The following FOXP1 variants were observed in gnomAD, a reference collection of about 807,000 sequenced individuals.
FOXP1 encodes forkhead box P1.
A neutral mutation model predicts 98.2 loss-of-function variants in FOXP1; 15 were observed. That is an observed-to-expected ratio of 0.15 (90% confidence interval 0.10 to 0.24). The LOEUF is 0.24. FOXP1 is among the 10% of genes least tolerant of loss of function. The pLI, the probability that FOXP1 is intolerant of heterozygous loss-of-function variation, is 1.00. For missense variants in FOXP1, 633 were observed against 848.5 expected (o/e 0.75, Z 3.15); for synonymous variants, 371 against 314.5 (o/e 1.18, Z -1.90).
At chr3:71,305,643 C>G (rs1432932979) in intron 4 of FOXP1, 2 of 152,268 alleles carry the variant, frequency 1.3e-5, no homozygotes, top group East Asian at 3.9e-4. Flanking sequence ...GCTGCTCTCT[C>G]TCTCTCTTTT....
In FOXP1 at chr3:71,160,840, C is replaced by T. The variant is rs190864451; in HGVS notation, c.180+37362G>A. 1.7e-3 allele frequency among the ~76,000 whole-genome samples: 252 copies of T among 152,288 alleles called. 2 individuals carry two copies. The highest frequency in any genetic ancestry group is 5.2e-3 in the African/African-American group (215 of 41,546). ...ACGAAGGCCTCCACAGAGAATGTTACTTGCTCAAATAGTTAATGATCATCT... is the reference window on the plus strand; with the variant it reads ...ACGAAGGCCTCCACAGAGAATGTTATTTGCTCAAATAGTTAATGATCATCT... On this transcript the variant is annotated intron_variant, in intron 6 of 20. Coordinates refer to ENST00000649528, the MANE Select transcript of FOXP1 (RefSeq NM_001349338.3).
At chr3:71,302,853 A>C (rs1344887744) in intron 4 of FOXP1, 1 of 152,024 alleles carries the variant, frequency 6.6e-6, no homozygotes, top group African/African-American at 2.4e-5. Flanking sequence ...TCTACTGCGA[A>C]CTCTAGGGTG....
At chr3:70,987,227 G>C (rs2039895514) in intron 14 of FOXP1, among the ~76,000 whole-genome samples, 1 of 152,156 alleles carries the variant, frequency 6.6e-6, no homozygotes, top group Non-Finnish European at 1.5e-5. Context: ...AAACGTAAGA[G>C]GAATATGACC....
At chr3:71,014,804 T>C (rs901577484) in intron 12 of FOXP1, among the ~76,000 whole-genome samples, 4 of 152,164 alleles carry the variant, frequency 2.6e-5, no homozygotes, top group African/African-American at 9.7e-5. Flanking sequence ...TGGAATACTA[T>C]GCAGCCATAA....
chr3:71,403,113 C>T (rs903699097), intron 3 of FOXP1, among the ~76,000 whole-genome samples: 2 of 152,176 alleles, frequency 1.3e-5, no homozygotes, highest in African/African-American at 4.8e-5. Flanking sequence ...TTTTTTCTTT[C>T]TGGTAGAAAT....
chr3:70,976,898 TGAACGTCAAGATCCAAGAATAAAC>T lies in FOXP1; in HGVS notation c.1530+19_1530+42del. ...ATTTTATCAACAACAAACTGTTCTA[TGAACGTCAAGATCCAAGAATAAAC>T]AGGCCTGAGAAAGCTTACCTTCCAC... On this transcript the variant is annotated intron_variant, in intron 17 of 20. Transcript: ENST00000649528. 7.2e-7 allele frequency: 1 copy of T among 1,384,920 alleles called. No individual in the cohort carries two copies. Among genetic ancestry groups the T allele is most frequent in the South Asian group, 1.2e-5 (1 of 86,344 alleles). The allele number at this position is 1,384,920 out of a possible 1,614,324, so 85.8% of individuals were successfully genotyped here.
At chr3:71,158,237 G>A (rs930355888) in intron 6 of FOXP1, among the ~76,000 whole-genome samples, 1 of 151,956 alleles carries the variant, frequency 6.6e-6, no homozygotes, top group African/African-American at 2.4e-5. Flanking sequence ...ACAGAAGAGA[G>A]ACAGAAAGAG....
At chr3:71,364,668 C>T (rs1179859270) in intron 3 of FOXP1, among the ~76,000 whole-genome samples, 6 of 152,144 alleles carry the variant, frequency 3.9e-5, no homozygotes, top group Non-Finnish European at 5.9e-5. Context: ...ACATTTTTAA[C>T]GAAATGGGTG....
At chr3:71,213,986 A>T (rs1319594325) in intron 5 of FOXP1, among the ~76,000 whole-genome samples, 1 of 152,204 alleles carries the variant, frequency 6.6e-6, no homozygotes, top group African/African-American at 2.4e-5. Context: ...AAGTACAAAG[A>T]ATCAGTCGGC....
At chr3:71,299,994 T>C (rs1331198593) in intron 4 of FOXP1, 114 bp from the exon 5 acceptor site, 1 of 152,474 alleles carries the variant, frequency 6.6e-6, no homozygotes, top group Non-Finnish European at 1.5e-5. Context: ...TAATGGCAAA[T>C]GACTTTCAGG....
intron 6 of FOXP1, among the ~76,000 whole-genome samples, chr3:71,115,060 T>C (rs1441265932): frequency 6.6e-6 from 1 of 152,166 alleles, no homozygotes; most frequent in Non-Finnish European, 1.5e-5. Flanking sequence ...TTATATATTT[T>C]AAGTGCTATC....
At chr3:71,553,532 TG>T (rs1334762884) in intron 2 of FOXP1, among the ~76,000 whole-genome samples, 2 of 152,164 alleles carry the variant, frequency 1.3e-5, no homozygotes, top group Non-Finnish European at 2.9e-5. Context: ...GGTTCTTCAC[TG>T]GTTTTTTCAG....
intron 12 of FOXP1, among the ~76,000 whole-genome samples, chr3:71,005,432 T>C (rs1559697112): frequency 6.7e-6 from 1 of 150,354 alleles, no homozygotes; most frequent in Non-Finnish European, 1.5e-5. Context: ...TCTTCAAGAC[T>C]ATAATATAAT....
chr3:71,382,292 AG>A (rs1210949259), intron 3 of FOXP1, among the ~76,000 whole-genome samples: 1 of 151,976 alleles, frequency 6.6e-6, no homozygotes, highest in African/African-American at 2.4e-5. Context: ...AAAGGTGGGG[AG>A]GAAAAAAAAA....
intron 6 of FOXP1, among the ~76,000 whole-genome samples, chr3:71,128,141 T>C (rs770487735): frequency 6.6e-6 from 1 of 152,266 alleles, no homozygotes; most frequent in East Asian, 1.9e-4. Context: ...CCAGGCACTG[T>C]GCTAGAATCA....
intron 6 of FOXP1, among the ~76,000 whole-genome samples, chr3:71,167,700 T>A (rs1253990112): frequency 3.3e-5 from 5 of 152,196 alleles, no homozygotes; most frequent in African/African-American, 1.2e-4. Flanking sequence ...TGCAGTTATT[T>A]TACATTATTT....
intron 3 of FOXP1, among the ~76,000 whole-genome samples, chr3:71,432,203 G>A (rs2084778361): frequency 6.6e-6 from 1 of 152,248 alleles, no homozygotes. Context: ...ATCAACCACT[G>A]ACGACTGTGG....
At position 71,442,166 on chromosome 3, in the gene FOXP1, A is replaced by G. The variant is rs140572310; in HGVS notation, c.-168+51260T>C. ...CCCCACTTTTGTGGAGCTTGACCATATATGTCCCAGATGCCCCAGTTGTTC... is the reference window on the plus strand; with the variant it reads ...CCCCACTTTTGTGGAGCTTGACCATGTATGTCCCAGATGCCCCAGTTGTTC... On this transcript the variant is annotated intron_variant, in intron 3 of 20. Transcript: ENST00000649528. Among the ~76,000 whole-genome samples, 348 of 152,232 alleles carry G rather than the reference A, an allele frequency of 2.3e-3. 4 individuals are homozygous for G. The highest frequency in any genetic ancestry group is 8.0e-3 in the African/African-American group (332 of 41,534).
In FOXP1 at chr3:71,079,533, A is replaced by C. The variant is rs550356016; in HGVS notation, c.283-25760T>G. On this transcript the variant is annotated intron_variant, in intron 7 of 20. Transcript: ENST00000649528. ...TTTCTATTATCTCTAAATTTCTTGG[A>C]TCATATTCATCTGAGAGATATTGTG... 1.4e-4 allele frequency among the ~76,000 whole-genome samples: 22 copies of C among 152,304 alleles called. No individual in the cohort carries two copies. In the South Asian group the frequency reaches 4.2e-3, roughly 29 times the overall value.
Sources: gnomAD v4.1 joint callset for allele counts (sites outside exome capture counted in the v4.1 genomes callset) on GRCh38, gnomAD v4.1.1 for gene constraint, MANE v1.5 for transcripts, NCBI Gene and HGNC (gene_info 2026-07-23, HGNC 2026-07-21) for gene names.